Variants in ENOX1 observed in about 807,000 individuals in gnomAD.
The protein encoded by ENOX1 is candidate growth-related and time keeping constitutive hydroquinone (NADH) oxidase.
Under a neutral mutation model 82.5 loss-of-function variants are expected in ENOX1, and 42 were observed. The ratio of observed to expected loss-of-function variants is 0.51; its 90% CI spans 0.40 to 0.66. The LOEUF (loss-of-function observed/expected upper bound fraction) is 0.66. Among genes scored for constraint, ENOX1 ranks in the 30% least tolerant of loss-of-function variants. The probability of loss-of-function intolerance (pLI) is 0.00; values close to 1 mark genes in which losing one functional copy is unlikely to be tolerated. For synonymous variants in ENOX1, 271 were observed against 282.2 expected, an observed-to-expected ratio of 0.96 and a Z score of 0.40; for missense variants, 608 against 811.6, an observed-to-expected ratio of 0.75 and a Z score of 3.05.
chr13:43,443,051 C>T (rs561186722), intron 3 of ENOX1, among the ~76,000 whole-genome samples: 67 of 152,290 alleles, frequency 4.4e-4, no homozygotes, highest in African/African-American at 1.6e-3. Flanking sequence ...ATAAAAGCCA[C>T]ATCCTCTGAT....
In ENOX1 at chr13:43,326,518, C is replaced by A; in HGVS notation, c.1044G>T (p.Gln348His). ...ALTGILTQFE[Q>H]IVAVFNASTR... ...TAGAAGCGTTGAAAACGGCCACAAT[C>A]TGCTCAACTTTGGTGAACAAGGAAG... Residue 348 changes from glutamine (Q) to histidine (H), a missense_variant, in exon 10 of 17, where the codon CAG (glutamine) becomes CAT (histidine). By Grantham distance (24) the Gln-to-His change is conservative (BLOSUM62 0). Coordinates refer to ENST00000690772, the MANE Select transcript of ENOX1 (RefSeq NM_001347969.2). 1 of 1,614,056 alleles carries A rather than the reference C, an allele frequency of 6.2e-7. No individual in the cohort carries two copies. Among genetic ancestry groups the A allele is most frequent in the Non-Finnish European group, 8.5e-7 (1 of 1,179,890 alleles).
intron 14 of ENOX1, among the ~76,000 whole-genome samples, chr13:43,249,258 CA>C (rs1252609774): frequency 6.6e-6 from 1 of 152,124 alleles, no homozygotes; most frequent in Non-Finnish European, 1.5e-5. Flanking sequence ...CCACTGTAGA[CA>C]TAACCAAATG....
At chr13:43,361,540 T>G in intron 5 of ENOX1, 88 bp from the exon 6 acceptor site, 3 of 1,230,660 alleles carry the variant, frequency 2.4e-6, no homozygotes, top group Non-Finnish European at 3.4e-6. Flanking sequence ...TTATTTGACT[T>G]TATACTTTCT....
At chr13:43,291,587 A>G (rs908045473) in intron 12 of ENOX1, among the ~76,000 whole-genome samples, 3 of 151,740 alleles carry the variant, frequency 2.0e-5, no homozygotes, top group African/African-American at 7.3e-5. Context: ...TCCTTTCTCT[A>G]TATGTTTCCG....
chr13:43,584,501 T>C (rs1007478651), intron 2 of ENOX1, among the ~76,000 whole-genome samples: 8 of 152,100 alleles, frequency 5.3e-5, no homozygotes, highest in African/African-American at 1.4e-4. Context: ...AACAGAATAT[T>C]AAACAGAGCA....
chr13:43,302,220 C>T (rs1033166038), intron 11 of ENOX1, among the ~76,000 whole-genome samples: 4 of 151,628 alleles, frequency 2.6e-5, no homozygotes, highest in East Asian at 1.9e-4. Flanking sequence ...TACCAATTTC[C>T]GATAATAAAA....
intron 2 of ENOX1, among the ~76,000 whole-genome samples, chr13:43,599,974 A>C (rs1211674239): frequency 2.0e-5 from 3 of 151,886 alleles, no homozygotes; most frequent in African/African-American, 7.3e-5. Context: ...GTAATTCATC[A>C]CATGCTGACT....
intron 12 of ENOX1, among the ~76,000 whole-genome samples, chr13:43,293,400 CAT>C (rs1593755272): frequency 6.6e-6 from 1 of 152,036 alleles, no homozygotes; most frequent in African/African-American, 2.4e-5. Flanking sequence ...CCACCCCCAC[CAT>C]AGTCACCAAA....
intron 2 of ENOX1, among the ~76,000 whole-genome samples, chr13:43,516,306 G>C (rs544138252): frequency 7.2e-5 from 11 of 152,146 alleles, no homozygotes; most frequent in Non-Finnish European, 1.5e-4. Flanking sequence ...TTGAAGTCAT[G>C]ATGTAAGTCA....
intron 1 of ENOX1, among the ~76,000 whole-genome samples, chr13:43,722,352 G>A (rs1425181181): frequency 6.6e-6 from 1 of 152,174 alleles, no homozygotes; most frequent in Non-Finnish European, 1.5e-5. Context: ...ACAGTTAAAT[G>A]TTCACAGAGG....
At chr13:43,484,586 C>T (rs1486643772) in intron 2 of ENOX1, among the ~76,000 whole-genome samples, 1 of 152,178 alleles carries the variant, frequency 6.6e-6, no homozygotes, top group Non-Finnish European at 1.5e-5. Context: ...AGATTGCTGA[C>T]CTCAGGCTTA....
intron 9 of ENOX1, among the ~76,000 whole-genome samples, chr13:43,330,804 G>T (rs2048369388): frequency 6.6e-6 from 1 of 152,122 alleles, no homozygotes; most frequent in South Asian, 2.1e-4. Context: ...TTATTCATTA[G>T]CTTACACATA....
At chr13:43,465,183 G>T (rs9533499) in intron 3 of ENOX1, among the ~76,000 whole-genome samples, 69,379 of 151,928 alleles carry the variant, frequency 0.46, 16,255 homozygotes, top group Non-Finnish European at 0.5. Flanking sequence ...ATTTAAGGGG[G>T]AGGGTAAGCT....
At chr13:43,563,784 A>G (rs1444982670) in intron 2 of ENOX1, among the ~76,000 whole-genome samples, 1 of 152,138 alleles carries the variant, frequency 6.6e-6, no homozygotes, top group Non-Finnish European at 1.5e-5. Context: ...GTCTACCAAT[A>G]TTGAACCATG....
intron 1 of ENOX1, among the ~76,000 whole-genome samples, chr13:43,729,614 T>A (rs2153821447): frequency 6.6e-6 from 1 of 152,348 alleles, no homozygotes; most frequent in East Asian, 1.9e-4. Flanking sequence ...TGGGTTAACA[T>A]GTGCATTCTC....
intron 1 of ENOX1, among the ~76,000 whole-genome samples, chr13:43,767,408 G>A (rs1171568817): frequency 6.6e-6 from 1 of 152,146 alleles, no homozygotes; most frequent in Non-Finnish European, 1.5e-5. Flanking sequence ...AGTATGCAGG[G>A]AGCCAAACTT....
chr13:43,247,602 G>A (rs1049152721), intron 14 of ENOX1, among the ~76,000 whole-genome samples: 1 of 151,330 alleles, frequency 6.6e-6, no homozygotes, highest in African/African-American at 2.4e-5. Context: ...GAGATCAAGT[G>A]TATTTTTTCA....
intron 5 of ENOX1, among the ~76,000 whole-genome samples, chr13:43,409,040 CAAA>C (rs11424006): frequency 1.2e-3 from 109 of 87,618 alleles, no homozygotes; most frequent in African/African-American, 3.3e-3. Context: ...AAATATAAAC[CAAA>C]AAAAAAAAAA....
intron 8 of ENOX1, among the ~76,000 whole-genome samples, chr13:43,345,179 T>C (rs2049303966): frequency 6.6e-6 from 1 of 152,230 alleles, no homozygotes; most frequent in South Asian, 2.1e-4. Flanking sequence ...ATTTATAGAA[T>C]CAGCTGAGTT....
Sources: gnomAD v4.1 joint callset for allele counts (sites outside exome capture counted in the v4.1 genomes callset) on GRCh38, gnomAD v4.1.1 for gene constraint, MANE v1.5 for transcripts, NCBI Gene and HGNC (gene_info 2026-07-23, HGNC 2026-07-21) for gene names.